DISP1: variants seen among roughly 807,000 people sequenced by gnomAD.
DISP1 encodes the protein protein dispatched homolog 1.
DISP1 carries 30 observed loss-of-function variants against 37.3 expected under a neutral mutation model. The ratio of observed to expected loss-of-function variants is 0.80; its 90% CI spans 0.60 to 1.09. The LOEUF (loss-of-function observed/expected upper bound fraction) is 1.09. Ranked by LOEUF, DISP1 falls within the 50% of genes least tolerant of loss-of-function variation. The pLI is 0.00. For missense variants in DISP1, 1,598 were observed against 1,879.5 expected (o/e 0.85, Z 2.77); for synonymous variants, 634 against 690.2 (o/e 0.92, Z 1.28).
chr1:222,950,213 G>A (rs943768663), intron 3 of DISP1, among the ~76,000 whole-genome samples: 4 of 152,140 alleles, frequency 2.6e-5, no homozygotes, highest in South Asian at 2.1e-4. Context: ...GACTAGAAAT[G>A]AATGAAGGGA....
At position 223,003,454 on chromosome 1, in the gene DISP1, T is replaced by C. The variant is rs1353340610; in HGVS notation, c.2057T>C (p.Val686Ala). The C allele has an allele frequency of 3.1e-6, 5 of 1,614,206 alleles. No individual in the cohort carries two copies. Among genetic ancestry groups the C allele is most frequent in the Non-Finnish European group, 4.2e-6 (5 of 1,180,044 alleles). Residue 686 changes from valine to alanine, a missense_variant, in exon 9 of 9, where the codon GTG (valine) becomes GCG (alanine). Val to Ala is a moderately conservative substitution (Grantham distance 64). Coordinates refer to ENST00000675850, the MANE Select transcript of DISP1 (RefSeq NM_001377229.1). The surrounding 1 kb of genome is among the most constrained non-coding windows in gnomAD (Gnocchi z 4.3). ...QIYDNKSCWT[V>A]ACQKCHKVLF... ...TATGATAACAAAAGCTGCTGGACAG[T>C]GGCTTGCCAGAAGTGCCACAAAGTA...
chr1:222,990,752 A>G lies in DISP1; in HGVS notation c.663+4A>G. 1 of 1,613,968 alleles carries G rather than the reference A, an allele frequency of 6.2e-7. No individual in the cohort carries two copies. Among genetic ancestry groups the G allele is most frequent in the Non-Finnish European group, 8.5e-7 (1 of 1,179,904 alleles). The stretch of plus-strand genomic sequence containing the variant: ...TGACTTCTCTGATCCATTGCTGGTA[A>G]CTAACTTTTATGTTTTCTTTAGCCT... On this transcript the variant is annotated splice_donor_region_variant and intron_variant, in intron 5 of 8. Coordinates refer to ENST00000675850, the MANE Select transcript of DISP1 (RefSeq NM_001377229.1).
At position 223,001,158 on chromosome 1, in the gene DISP1, A is replaced by C. The variant is rs188308444; in HGVS notation, c.988-1227A>C. On this transcript the variant is annotated intron_variant, in intron 8 of 8. Transcript: ENST00000675850. ...AACAATTTTTCAATTTTTTATAACA[A>C]TAGCCATAAGATGGAAAGCCTTCTC... Among the ~76,000 whole-genome samples, 538 of 152,302 alleles carry C rather than the reference A, an allele frequency of 3.5e-3. 2 individuals carry two copies. The highest frequency in any genetic ancestry group is 0.012 in the African/African-American group (499 of 41,562).
At chr1:222,993,838 G>C (rs897125156) in intron 7 of DISP1, among the ~76,000 whole-genome samples, 11 of 152,022 alleles carry the variant, frequency 7.2e-5, no homozygotes, top group Non-Finnish European at 1.3e-4. Flanking sequence ...GCCATTACCA[G>C]CTCTATGTAA....
In DISP1 at chr1:222,973,871, A is replaced by C. The variant is rs571257659; in HGVS notation, c.510-9209A>C. Reference sequence around the variant, plus strand: ...GATCAAGTCAAGATATTTGGATTCTAGACCTGGCTCTGCCATTGACTTGCT... The same window carrying C: ...GATCAAGTCAAGATATTTGGATTCTCGACCTGGCTCTGCCATTGACTTGCT... On this transcript the variant is annotated intron_variant, in intron 3 of 8. Coordinates refer to ENST00000675850, the MANE Select transcript of DISP1 (RefSeq NM_001377229.1). 2.6e-5 allele frequency among the ~76,000 whole-genome samples: 4 copies of C among 152,340 alleles called. No individual in the cohort carries two copies. In the South Asian group the frequency reaches 8.3e-4, roughly 32 times the overall value.
chr1:222,850,926 T>C (rs981501547), intron 1 of DISP1, among the ~76,000 whole-genome samples: 1 of 152,170 alleles, frequency 6.6e-6, no homozygotes, highest in Non-Finnish European at 1.5e-5. Flanking sequence ...ACAGGCCCAT[T>C]GGTTACTCTT....
At chr1:222,816,138 T>G (rs1661193060) in intron 1 of DISP1, among the ~76,000 whole-genome samples, 1 of 150,542 alleles carries the variant, frequency 6.6e-6, no homozygotes, top group Non-Finnish European at 1.5e-5. Flanking sequence ...TTAAAAATAT[T>G]GATAACCCAA....
At chr1:222,882,953 A>T (rs1039154244) in intron 1 of DISP1, among the ~76,000 whole-genome samples, 1 of 152,186 alleles carries the variant, frequency 6.6e-6, no homozygotes, top group Non-Finnish European at 1.5e-5. Context: ...TGTTACATGT[A>T]AATTATGATT....
intron 1 of DISP1, among the ~76,000 whole-genome samples, chr1:222,817,086 G>A (rs1661435435): frequency 6.6e-6 from 1 of 152,136 alleles, no homozygotes; most frequent in Non-Finnish European, 1.5e-5. Flanking sequence ...GTATGTTGAG[G>A]TTGGATTGCC....
chr1:222,857,568 G>A (rs934118345), intron 1 of DISP1, among the ~76,000 whole-genome samples: 2 of 152,144 alleles, frequency 1.3e-5, no homozygotes, highest in African/African-American at 4.8e-5. Context: ...AAGCTGATAA[G>A]CAACTTCAGC....
chr1:222,975,822 C>T (rs140842662), intron 3 of DISP1, among the ~76,000 whole-genome samples: 2 of 152,334 alleles, frequency 1.3e-5, no homozygotes, highest in Middle Eastern at 3.4e-3. Flanking sequence ...TTTGTACATG[C>T]TTTGCTTTTT....
chr1:222,928,927 T>G (rs1285271131), intron 2 of DISP1, among the ~76,000 whole-genome samples: 2 of 152,174 alleles, frequency 1.3e-5, no homozygotes, highest in African/African-American at 4.8e-5. Flanking sequence ...AACAGAAAAT[T>G]TTCAAAATAT....
chr1:222,871,496 AG>A (rs1421578788), intron 1 of DISP1, among the ~76,000 whole-genome samples: 4 of 152,152 alleles, frequency 2.6e-5, no homozygotes, highest in Non-Finnish European at 5.9e-5. Flanking sequence ...CTCCTTGAAG[AG>A]GTCCTTCACA....
chr1:222,996,782 C>T (rs922101424), intron 8 of DISP1, among the ~76,000 whole-genome samples: 2 of 152,172 alleles, frequency 1.3e-5, no homozygotes, highest in Non-Finnish European at 2.9e-5. Flanking sequence ...TGCCTTTACC[C>T]ACCCTGCTTT....
chr1:222,939,868 G>T (rs1026748931), intron 2 of DISP1, among the ~76,000 whole-genome samples: 1 of 151,558 alleles, frequency 6.6e-6, no homozygotes, highest in Non-Finnish European at 1.5e-5. Context: ...GCTCACGCCT[G>T]TAATCCCAGC....
chr1:222,933,564 T>C (rs187102089), intron 2 of DISP1, among the ~76,000 whole-genome samples: 1 of 152,072 alleles, frequency 6.6e-6, no homozygotes, highest in African/African-American at 2.4e-5. Context: ...TATTTAGTGG[T>C]ATAGATCTTC....
chr1:222,881,285 T>G (rs1053979391), intron 1 of DISP1, among the ~76,000 whole-genome samples: 3 of 152,170 alleles, frequency 2.0e-5, no homozygotes. Flanking sequence ...AACCTCCGCC[T>G]CCCAGGTTCA....
intron 3 of DISP1, among the ~76,000 whole-genome samples, chr1:222,944,454 T>TTGAA (rs1553333543): frequency 6.6e-6 from 1 of 151,708 alleles, no homozygotes; most frequent in Non-Finnish European, 1.5e-5. Context: ...TAATAAAAAG[T>TTGAA]TTAACTAGAA....
intron 1 of DISP1, among the ~76,000 whole-genome samples, chr1:222,904,486 T>C (rs540852344): frequency 1.8e-4 from 27 of 152,058 alleles, no homozygotes; most frequent in Non-Finnish European, 3.5e-4. Context: ...TGATAGCTTC[T>C]CTTTTAATAT....
Sources: allele counts gnomAD v4.1 joint callset (sites outside exome capture counted in the v4.1 genomes callset), GRCh38; gene constraint gnomAD v4.1.1; non-coding constraint Gnocchi (gnomAD v3.1); transcripts MANE v1.5; gene names NCBI Gene and HGNC (gene_info 2026-07-23, HGNC 2026-07-21).